Variants in EDARADD observed in about 807,000 individuals in gnomAD.
EDARADD encodes EDAR associated via death domain.
In EDARADD, 20 loss-of-function variants were observed where a neutral mutation model predicts 25.6. The observed-to-expected ratio is 0.78, with a 90% CI of 0.55 to 1.14. The LOEUF is 1.14. Among genes scored for constraint, EDARADD ranks in the 50% most tolerant of loss-of-function variants. The pLI, the probability that EDARADD is intolerant of heterozygous loss-of-function variation, is 0.00. For missense variants in EDARADD, 225 were observed against 270.1 expected (o/e 0.83, Z 1.17); for synonymous variants, 86 against 94.4 (o/e 0.91, Z 0.52).
At chr1:236,361,001 C>T (rs1221802747) in intron 3 of EDARADD, among the ~76,000 whole-genome samples, 1 of 152,086 alleles carries the variant, frequency 6.6e-6, no homozygotes, top group Non-Finnish European at 1.5e-5. Flanking sequence ...GTTGGAGTGA[C>T]ACCCAAAATA....
intron 1 of EDARADD, among the ~76,000 whole-genome samples, chr1:236,400,531 G>A (rs1379180852): frequency 6.6e-6 from 1 of 151,954 alleles, no homozygotes; most frequent in Non-Finnish European, 1.5e-5. Flanking sequence ...AGAGCTTCTG[G>A]AATCCTGAAT....
At chr1:236,360,163 TA>T (rs950965976) in intron 3 of EDARADD, among the ~76,000 whole-genome samples, 3 of 150,840 alleles carry the variant, frequency 2.0e-5, no homozygotes, top group African/African-American at 4.9e-5. Flanking sequence ...AAAGAAAAAT[TA>T]AAAAAAAATT....
At chr1:236,441,267 A>T (rs1460068588) in intron 4 of EDARADD, among the ~76,000 whole-genome samples, 1 of 145,754 alleles carries the variant, frequency 6.9e-6, no homozygotes, top group Non-Finnish European at 1.5e-5. Flanking sequence ...AACCCTCTTT[A>T]TTTATATATA....
chr1:236,354,918 A>C (rs1175176831), intron 3 of EDARADD, among the ~76,000 whole-genome samples: 1 of 152,204 alleles, frequency 6.6e-6, no homozygotes, highest in Admixed American at 6.5e-5. Flanking sequence ...TCCCCTCATA[A>C]ATATGTACAG....
rs1459071188 is a variant in EDARADD, at chr1:236,371,644, A to G, written c.-6+20805A>G. 4.7e-5 allele frequency among the ~76,000 whole-genome samples: 7 copies of G among 149,346 alleles called. No individual in the cohort carries two copies. The South Asian group carries it at 1.5e-3, about 31-fold the overall frequency. On this transcript the variant is annotated intron_variant, in intron 3 of 7. Coordinates refer to the EDARADD transcript ENST00000439430. ...CAGTGCAGTGGCACGATCTCGGCTC[A>G]CTGCAACCTCTGCCTCCCGTGTTCA...
intron 5 of EDARADD, among the ~76,000 whole-genome samples, chr1:236,477,054 C>CA (rs61477663): frequency 0.071 from 8,077 of 113,732 alleles, 449 homozygotes; most frequent in African/African-American, 0.16. Flanking sequence ...TGCCCATAAG[C>CA]AAAAAAAAAA....
intron 3 of EDARADD, among the ~76,000 whole-genome samples, chr1:236,362,998 A>ATATATATATAT (rs1667068565): frequency 1.7e-5 from 1 of 58,130 alleles, no homozygotes; most frequent in East Asian, 1.5e-3. Context: ...AAAAAAAAAA[A>ATATATATATAT]AAAAAAAAAT....
At chr1:236,426,915 C>G (rs1029157297) in intron 3 of EDARADD, among the ~76,000 whole-genome samples, 1 of 152,048 alleles carries the variant, frequency 6.6e-6, no homozygotes, top group African/African-American at 2.4e-5. Flanking sequence ...GAGTTTTGCT[C>G]TTGTTCTCCA....
chr1:236,389,232 A>G (rs1362552345), intron 3 of EDARADD, among the ~76,000 whole-genome samples: 1 of 152,206 alleles, frequency 6.6e-6, no homozygotes, highest in Non-Finnish European at 1.5e-5. Flanking sequence ...CCGAGGCTAC[A>G]GGAGGATATG....
At chr1:236,416,060 C>G (rs1328702973) in intron 3 of EDARADD, among the ~76,000 whole-genome samples, 1 of 152,176 alleles carries the variant, frequency 6.6e-6, no homozygotes, top group Non-Finnish European at 1.5e-5. Flanking sequence ...TATTCCAGAC[C>G]CTTCTCCCTG....
chr1:236,427,317 G>T, intron 3 of EDARADD, 75 bp from the exon 4 acceptor site: 1 of 1,445,868 alleles, frequency 6.9e-7, no homozygotes. Flanking sequence ...CTTAATTTTA[G>T]GTCTTACACC....
intron 3 of EDARADD, among the ~76,000 whole-genome samples, chr1:236,353,647 C>T (rs1373561632): frequency 7.5e-6 from 1 of 133,928 alleles, no homozygotes; most frequent in Non-Finnish European, 1.5e-5. Flanking sequence ...AACTGCACTT[C>T]AGCCTGGGCA....
chr1:236,406,919 G>A (rs934081944), intron 1 of EDARADD, among the ~76,000 whole-genome samples: 4 of 152,236 alleles, frequency 2.6e-5, no homozygotes, highest in African/African-American at 9.6e-5. Context: ...TGTTGCTTGG[G>A]CAGTAAGAGT....
chr1:236,420,811 G>A (rs1162499595), intron 3 of EDARADD, among the ~76,000 whole-genome samples: 1 of 148,926 alleles, frequency 6.7e-6, no homozygotes, highest in Non-Finnish European at 1.5e-5. Context: ...GCACGGTCTC[G>A]GCTCACTGCA....
intron 5 of EDARADD, among the ~76,000 whole-genome samples, chr1:236,481,588 C>A (rs1659671269): frequency 7.7e-6 from 1 of 129,054 alleles, no homozygotes; most frequent in Non-Finnish European, 1.6e-5. Context: ...CATGGTGAAA[C>A]CCCACCTCTA....
At chr1:236,375,428 G>A (rs1205653956) in intron 3 of EDARADD, among the ~76,000 whole-genome samples, 1 of 152,046 alleles carries the variant, frequency 6.6e-6, no homozygotes, top group Non-Finnish European at 1.5e-5. Flanking sequence ...GGCCAAGGTG[G>A]GTGAATCACC....
chr1:236,477,532 T>A (rs1659543347), intron 5 of EDARADD, among the ~76,000 whole-genome samples: 1 of 152,022 alleles, frequency 6.6e-6, no homozygotes, highest in Non-Finnish European at 1.5e-5. Flanking sequence ...AACAAACTGA[T>A]GTGGGGGTTC....
rs12728616 is a variant in EDARADD, at chr1:236,425,981, A to T, written c.161-1411A>T. ...TTTATTTTTCTTATCTTTTTTTTTT[A>T]TTTTTTTATTTTTGGAGACAGGGTC... On this transcript the variant is annotated intron_variant, in intron 3 of 5. Transcript: ENST00000334232. Among the ~76,000 whole-genome samples the T allele has an allele frequency of 2.5e-4, 36 of 141,426 alleles. 1 individual carries two copies. The highest frequency in any genetic ancestry group is 7.4e-3 in the Middle Eastern group (2 of 270). 92.8% of individuals were successfully genotyped at this position (141,426 alleles called of 152,430 possible). A position where few individuals can be genotyped will look rare whatever the true frequency, so the allele number is the denominator to read the frequency against.
intron 4 of EDARADD, among the ~76,000 whole-genome samples, chr1:236,453,517 C>G (rs1658769409): frequency 6.6e-6 from 1 of 152,104 alleles, no homozygotes; most frequent in Admixed American, 6.5e-5. Flanking sequence ...ACCTTGTGAT[C>G]CACCCGCCTT....
Sources: gnomAD v4.1 joint callset for allele counts (sites outside exome capture counted in the v4.1 genomes callset) on GRCh38, gnomAD v4.1.1 for gene constraint, MANE v1.5 for transcripts, NCBI Gene and HGNC (gene_info 2026-07-23, HGNC 2026-07-21) for gene names.